Variants in RASA2 observed in about 807,000 individuals in gnomAD.
RASA2 encodes RAS p21 protein activator 2, also known as ras GTPase-activating protein 2.
Under a neutral mutation model 118.2 loss-of-function variants are expected in RASA2, and 155 were observed. The ratio of observed to expected loss-of-function variants is 1.31; its 90% CI spans 1.15 to 1.50. The LOEUF (loss-of-function observed/expected upper bound fraction) is 1.50, where lower values mean the gene tolerates loss of function less well. Among genes scored for constraint, RASA2 ranks in the 40% most tolerant of loss-of-function variants. RASA2 has a pLI of 0.00. For synonymous variants in RASA2, 353 were observed against 349.1 expected (o/e 1.01, Z -0.12); for missense variants, 1,016 against 1,009.6 (o/e 1.01, Z -0.09).
chr3:141,547,398 A>C (rs1368562987), intron 5 of RASA2, among the ~76,000 whole-genome samples: 1 of 152,040 alleles, frequency 6.6e-6, no homozygotes. Flanking sequence ...TACAGTTTTC[A>C]TTATAGATGT....
In RASA2 at chr3:141,487,086, GGCGGCGGCGGCGCCTGCTGCT is replaced by G. The variant is rs1194909078; in HGVS notation, c.12_32del (p.Ala5_Ala11del). 5 of 1,357,040 alleles carry G rather than the reference GGCGGCGGCGGCGCCTGCTGCT, an allele frequency of 3.7e-6. 1 individual carries two copies. The highest frequency in any genetic ancestry group is 3.2e-5 in the South Asian group (2 of 62,770). 84.1% of individuals were successfully genotyped at this position (1,357,040 alleles called of 1,614,324 possible). On this transcript the variant is annotated inframe_deletion, in exon 1 of 24. Coordinates refer to ENST00000286364, the MANE Select transcript of RASA2 (RefSeq NM_006506.5). ...TGCGGCACGGGCCGGGCGGCACCATGGCGGCGGCGGCGCCTGCTGCTGCGGCGGCTTCTTCCGAGGCGCCAG... is the reference window on the plus strand; with the variant it reads ...TGCGGCACGGGCCGGGCGGCACCATGGCGGCGGCTTCTTCCGAGGCGCCAG...
At chr3:141,538,559 G>A (rs2082361956) in intron 4 of RASA2, among the ~76,000 whole-genome samples, 1 of 151,956 alleles carries the variant, frequency 6.6e-6, no homozygotes, top group African/African-American at 2.4e-5. Flanking sequence ...TTTTGCTAAG[G>A]ATAGTATGTA....
intron 3 of RASA2, among the ~76,000 whole-genome samples, chr3:141,520,049 T>C (rs1270998482): frequency 6.9e-6 from 1 of 145,334 alleles, no homozygotes; most frequent in African/African-American, 2.6e-5. Flanking sequence ...AGTCTTGCTC[T>C]GTTGCCCAGG....
rs185938997 is a variant in RASA2 at position 141,563,479 on chromosome 3, A to G, written c.863+3484A>G. ...AAAATAATCACATTTATATAGTTAT[A>G]CAAATGACTATTGATAGTTATTCAT... On this transcript the variant is annotated intron_variant, in intron 9 of 23. Coordinates refer to ENST00000286364, the MANE Select transcript of RASA2 (RefSeq NM_006506.5). Among the ~76,000 whole-genome samples, 103 of 152,304 alleles carry G rather than the reference A, an allele frequency of 6.8e-4. 1 individual carries two copies. The highest frequency in any genetic ancestry group is 1.6e-4 in the Non-Finnish European group (11 of 68,020).
intron 9 of RASA2, among the ~76,000 whole-genome samples, chr3:141,563,623 G>T (rs1449059967): frequency 6.6e-6 from 1 of 152,010 alleles, no homozygotes; most frequent in Non-Finnish European, 1.5e-5. Context: ...AACTTTTTTA[G>T]GGCTGTTGTA....
intron 9 of RASA2, among the ~76,000 whole-genome samples, chr3:141,562,827 C>G (rs2082756743): frequency 6.6e-6 from 1 of 151,954 alleles, no homozygotes; most frequent in Non-Finnish European, 1.5e-5. Context: ...CATCCGCCAC[C>G]ACACCCAGCT....
chr3:141,605,083 T>A (rs1026252051), intron 19 of RASA2, among the ~76,000 whole-genome samples: 14 of 152,128 alleles, frequency 9.2e-5, no homozygotes, highest in Admixed American at 8.5e-4. Flanking sequence ...CTTTTGACTC[T>A]TCTATCTAAA....
intron 4 of RASA2, among the ~76,000 whole-genome samples, chr3:141,537,726 G>A (rs1435519471): frequency 1.3e-5 from 2 of 152,016 alleles, no homozygotes; most frequent in South Asian, 2.1e-4. Context: ...CTGAGATCAC[G>A]CCACTGCACT....
At chr3:141,490,557 A>G (rs925079961) in intron 1 of RASA2, among the ~76,000 whole-genome samples, 2 of 152,178 alleles carry the variant, frequency 1.3e-5, no homozygotes, top group Non-Finnish European at 2.9e-5. Context: ...TACCAGATCA[A>G]TAAGAGAGCC....
At chr3:141,608,367 C>A in intron 20 of RASA2, 122 bp from the exon 21 acceptor site, 2 of 873,914 alleles carry the variant, frequency 2.3e-6, no homozygotes, top group Admixed American at 2.4e-5. Flanking sequence ...ATTTCTAAGA[C>A]ATCTTAGCAC....
intron 4 of RASA2, among the ~76,000 whole-genome samples, chr3:141,531,388 CTT>C (rs938293094): frequency 1.3e-4 from 20 of 150,792 alleles, no homozygotes; most frequent in Admixed American, 7.3e-4. Flanking sequence ...AGACACAAGA[CTT>C]TATTTGATGG....
chr3:141,554,708 A>G (rs966415995), intron 6 of RASA2, among the ~76,000 whole-genome samples: 9 of 152,176 alleles, frequency 5.9e-5, no homozygotes, highest in African/African-American at 2.2e-4. Context: ...GAAAATCACT[A>G]CTAAGTCACT....
intron 5 of RASA2, among the ~76,000 whole-genome samples, chr3:141,544,709 A>C (rs2082458296): frequency 6.6e-6 from 1 of 152,062 alleles, no homozygotes; most frequent in African/African-American, 2.4e-5. Context: ...TCATTGCATT[A>C]TTCACAATAG....
chr3:141,536,767 T>A (rs535125943), intron 4 of RASA2, among the ~76,000 whole-genome samples: 1 of 151,010 alleles, frequency 6.6e-6, no homozygotes, highest in Admixed American at 6.6e-5. Context: ...GATTCTTTTT[T>A]TTTTTTTTTT....
At chr3:141,540,243 A>G (rs1407158536) in intron 4 of RASA2, among the ~76,000 whole-genome samples, 1 of 152,206 alleles carries the variant, frequency 6.6e-6, no homozygotes, top group African/African-American at 2.4e-5. Flanking sequence ...CCTTAAATTT[A>G]GGTATTGTCT....
At chr3:141,525,762 A>G (rs2082176531) in intron 3 of RASA2, 1 of 152,092 alleles carries the variant, frequency 6.6e-6, no homozygotes, top group Non-Finnish European at 1.5e-5. Context: ...AGCTGTAATC[A>G]TGCCACTACA....
intron 17 of RASA2, 120 bp from the exon 18 acceptor site, chr3:141,585,904 AT>A (rs2083193764): frequency 4.9e-6 from 3 of 612,526 alleles, no homozygotes; most frequent in Admixed American, 3.6e-5. Context: ...ATAAATTACT[AT>A]TATGTGTATT....
At chr3:141,529,592 A>G (rs2082230120) in intron 3 of RASA2, 116 bp from the exon 4 acceptor site, 1 of 593,226 alleles carries the variant, frequency 1.7e-6, no homozygotes, top group African/African-American at 1.9e-5. Flanking sequence ...TTTTTATGTC[A>G]ATAGGTACAA....
At chr3:141,588,638 A>G (rs2083242710) in intron 19 of RASA2, among the ~76,000 whole-genome samples, 1 of 152,142 alleles carries the variant, frequency 6.6e-6, no homozygotes, top group Non-Finnish European at 1.5e-5. Context: ...GTAGAGTGAT[A>G]AGAAAAAATT....
Sources: allele counts gnomAD v4.1 joint callset (sites outside exome capture counted in the v4.1 genomes callset), GRCh38; gene constraint gnomAD v4.1.1; transcripts MANE v1.5; gene names NCBI Gene and HGNC (gene_info 2026-07-23, HGNC 2026-07-21).